Variants in RTN3 observed in about 807,000 individuals in gnomAD.
RTN3 encodes reticulon 3.
In RTN3, 49 loss-of-function variants were observed where a neutral mutation model predicts 77.8. The observed-to-expected ratio is 0.63, with a 90% CI of 0.50 to 0.80. The LOEUF (loss-of-function observed/expected upper bound fraction) is 0.80. RTN3 is among the 30% of genes least tolerant of loss of function. RTN3 has a pLI of 0.00. For missense variants in RTN3, 1,236 were observed against 1,211.9 expected, an observed-to-expected ratio of 1.02 and a Z score of -0.29; for synonymous variants, 464 against 446.9, an observed-to-expected ratio of 1.04 and a Z score of -0.48.
intron 1 of RTN3, among the ~76,000 whole-genome samples, chr11:63,687,388 G>A (rs572182537): frequency 8.5e-5 from 13 of 152,270 alleles, no homozygotes; most frequent in South Asian, 2.1e-4. Context: ...AGGCCAAGGC[G>A]GGTGGATCAT....
rs758892104 is a variant in RTN3 at position 63,719,406 on chromosome 11, G to T, written c.904G>T (p.Ala302Ser). The change falls in exon 3 of 9, where the codon GCA becomes TCA. Residue 302 changes from alanine (A) to serine (S), a missense_variant. By Grantham distance (99) the Ala-to-Ser change is moderately conservative. Transcript: ENST00000377819. ...DKLFPLRNKE[A>S]GRYPMSALLS... ...GCTTTTTCCACTGAGAAATAAAGAG[G>T]CAGGACGTTACCCAATGTCTGCATT... The T allele has an allele frequency of 3.7e-6, 6 of 1,614,130 alleles. No individual in the cohort carries two copies. The highest frequency in any genetic ancestry group is 5.1e-6 in the Non-Finnish European group (6 of 1,180,038).
chr11:63,735,601 T>TCTCTCTCTCTCC (rs1590864655), intron 3 of RTN3, among the ~76,000 whole-genome samples: 1 of 146,396 alleles, frequency 6.8e-6, no homozygotes, highest in Non-Finnish European at 1.5e-5. Flanking sequence ...TCTCTCTCTC[T>TCTCTCTCTCTCC]TTCTTTCAAC....
At chr11:63,717,338 T>G (rs2011473334) in intron 2 of RTN3, among the ~76,000 whole-genome samples, 1 of 151,784 alleles carries the variant, frequency 6.6e-6, no homozygotes, top group African/African-American at 2.4e-5. Flanking sequence ...GAGAAGGATA[T>G]TTTCTATTTT....
At position 63,758,256 on chromosome 11, in the gene RTN3, C is replaced by G; in HGVS notation, c.*55C>G. The G allele has an allele frequency of 6.2e-7, 1 of 1,613,400 alleles. No homozygotes were observed. Among genetic ancestry groups the G allele is most frequent in the Non-Finnish European group, 8.5e-7 (1 of 1,179,630 alleles). ...CTAAAACACCATTTAATAGTTATAA[C>G]GTCGTTACTTGTACTATGAAGGAAA... On this transcript the variant is annotated 3_prime_UTR_variant, in exon 9 of 9. Transcript: ENST00000377819.
chr11:63,703,340 T>G (rs1942339349), intron 1 of RTN3, among the ~76,000 whole-genome samples: 3 of 152,104 alleles, frequency 2.0e-5, no homozygotes, highest in African/African-American at 7.2e-5. Context: ...AAGGTATAGC[T>G]GTACCTCATT....
Position 63,718,853 on chromosome 11 carries a change from A to G in RTN3, c.351A>G (p.Glu117=), listed in dbSNP as rs747111001. The G allele has an allele frequency of 1.5e-5, 25 of 1,614,198 alleles. No homozygotes were observed. The East Asian group carries it at 5.1e-4, about 33-fold the overall frequency. The change falls in exon 3 of 9, where the codon GAA becomes GAG. Residue 117 remains glutamate (E), a synonymous_variant. Transcript: ENST00000377819. The part of the protein sequence containing the change: ...VLGSQPILAK[E]GKDHLDLLDM... Reference sequence around the variant, plus strand: ...GGAGCCAGCCTATTTTAGCCAAAGAAGGAAAAGACCACTTGGATCTTCTAG... The same window carrying G: ...GGAGCCAGCCTATTTTAGCCAAAGAGGGAAAAGACCACTTGGATCTTCTAG...
At position 63,750,163 on chromosome 11, in the gene RTN3, A is replaced by G. The variant is rs1250824566; in HGVS notation, c.2703A>G (p.Gln901=). 5 of 1,612,628 alleles carry G rather than the reference A, an allele frequency of 3.1e-6. No homozygotes were observed. The highest frequency in any genetic ancestry group is 4.2e-6 in the Non-Finnish European group (5 of 1,179,340). ...ISFRIYKSVI[Q]AVQKSEEGHP... is the part of the protein sequence containing the mutation. ...TCAGGATCTACAAGTCCGTCATCCA[A>G]GCTGTACAGAAGTCAGAAGAAGGCC... Residue 901 remains glutamine (Q), a synonymous_variant, in exon 4 of 9, where the codon CAA becomes CAG. Coordinates refer to ENST00000377819, the MANE Select transcript of RTN3 (RefSeq NM_001265589.2).
chr11:63,688,053 A>C (rs1425418735), intron 1 of RTN3, among the ~76,000 whole-genome samples: 1 of 152,182 alleles, frequency 6.6e-6, no homozygotes, highest in African/African-American at 2.4e-5. Context: ...AATATGCTTA[A>C]ATACTTATGC....
Position 63,745,757 on chromosome 11 carries a change from GT to G in RTN3, c.2531-4230del, listed in dbSNP as rs1590880945. On this transcript the variant is annotated intron_variant, in intron 3 of 8. Transcript: ENST00000377819. The stretch of plus-strand genomic sequence containing the variant: ...GTTTGAATATTTCTATTTCTTATGA[GT>G]TTTCCAGCAGATGGCAGTAACACGC... 4.6e-5 allele frequency among the ~76,000 whole-genome samples: 7 copies of G among 152,280 alleles called. No homozygotes were observed. In the South Asian group the frequency reaches 1.5e-3, roughly 32 times the overall value.
intron 1 of RTN3, among the ~76,000 whole-genome samples, chr11:63,693,484 CA>C (rs879451698): frequency 2.4e-4 from 35 of 144,094 alleles, no homozygotes; most frequent in South Asian, 4.4e-4. Context: ...AACTCCATCT[CA>C]AAAAAAAAAA....
chr11:63,738,447 G>A (rs550986527), intron 3 of RTN3, among the ~76,000 whole-genome samples: 39 of 152,100 alleles, frequency 2.6e-4, no homozygotes, highest in African/African-American at 8.7e-4. Flanking sequence ...TAAGACCAGC[G>A]TGGGCATCAA....
chr11:63,692,522 G>A (rs1403341982), intron 1 of RTN3, among the ~76,000 whole-genome samples: 5 of 151,954 alleles, frequency 3.3e-5, no homozygotes, highest in African/African-American at 1.2e-4. Flanking sequence ...ACTTTGGGAG[G>A]CTGAGGCAGA....
chr11:63,720,200 A>G lies in RTN3; in HGVS notation c.1698A>G (p.Gln566=), dbSNP rs1169822574. 2 of 1,614,194 alleles carry G rather than the reference A, an allele frequency of 1.2e-6. No homozygotes were observed. The highest frequency in any genetic ancestry group is 1.7e-5 in the Admixed American group (1 of 60,020). ...EELVSDSELH[Q]DQPDILGRSP... The stretch of plus-strand genomic sequence containing the variant: ...TGGTCAGTGACTCTGAGCTGCATCA[A>G]GATCAGCCTGATATTCTTGGAAGGA... The change falls in exon 3 of 9, where the codon CAA becomes CAG. Residue 566 remains glutamine, a synonymous_variant. Coordinates refer to ENST00000377819, the MANE Select transcript of RTN3 (RefSeq NM_001265589.2).
chr11:63,734,565 C>G lies in RTN3; in HGVS notation c.2530+13533C>G, dbSNP rs2012933589. Among the ~76,000 whole-genome samples, 2 of 151,862 alleles carry G rather than the reference C, an allele frequency of 1.3e-5. 1 individual carries two copies. Among genetic ancestry groups the G allele is most frequent in the South Asian group, 4.2e-4 (2 of 4,812 alleles). On this transcript the variant is annotated intron_variant, in intron 3 of 8. Coordinates refer to ENST00000377819, the MANE Select transcript of RTN3 (RefSeq NM_001265589.2). ...CAGCCTGGCCAACATGGTGAAACCT[C>G]TACTAAAAATAGAAAAATTAGCCAG...
chr11:63,681,742 G>A lies in RTN3; in HGVS notation c.106G>A (p.Ala36Thr), dbSNP rs1590759561. ...CGGCGGGAGCCCAGGAGCCTGCCCC[G>A]CCCTGGGGACGAAGAGCTGCAGCTC... ...GGGGSPGACP[A>T]LGTKSCSSSC... The change falls in exon 1 of 9, where the codon GCC (alanine) becomes ACC (threonine). Residue 36 changes from alanine (A) to threonine (T), a missense_variant. Physicochemically the swap from Ala to Thr is moderately conservative, Grantham distance 58. Coordinates refer to ENST00000377819, the MANE Select transcript of RTN3 (RefSeq NM_001265589.2). The A allele has an allele frequency of 6.2e-7, 1 of 1,605,994 alleles. No homozygotes were observed.
chr11:63,697,456 A>G (rs1330349279), intron 1 of RTN3, among the ~76,000 whole-genome samples: 1 of 139,496 alleles, frequency 7.2e-6, no homozygotes, highest in Non-Finnish European at 1.6e-5. Context: ...GATATGTGCC[A>G]CCACACCCAG....
intron 1 of RTN3, among the ~76,000 whole-genome samples, chr11:63,690,287 A>G (rs1188580392): frequency 6.6e-6 from 1 of 152,146 alleles, no homozygotes; most frequent in Non-Finnish European, 1.5e-5. Context: ...TATTTTACGT[A>G]TGAGATAGAA....
At position 63,681,529 on chromosome 11, in the gene RTN3, C is replaced by T. The variant is rs1463118469; in HGVS notation, c.-108C>T. ...TGTCGGAGTCTGTCCTCGGAGCAGGCGGAGTAAAGGGACTTGAGCGAGCCA... is the reference window on the plus strand; with the variant it reads ...TGTCGGAGTCTGTCCTCGGAGCAGGTGGAGTAAAGGGACTTGAGCGAGCCA... On this transcript the variant is annotated 5_prime_UTR_variant, in exon 1 of 9. Transcript: ENST00000377819. 15 of 1,165,850 alleles carry T rather than the reference C, an allele frequency of 1.3e-5. No individual in the cohort carries two copies. The East Asian group carries it at 1.6e-4, about 13-fold the overall frequency. The allele number at this position is 1,165,850 out of a possible 1,614,324, so 72.2% of individuals were successfully genotyped here.
At chr11:63,743,517 T>C (rs962734170) in intron 3 of RTN3, among the ~76,000 whole-genome samples, 1 of 152,236 alleles carries the variant, frequency 6.6e-6, no homozygotes. Flanking sequence ...TTATTGAATG[T>C]TAAGCCAATC....
Sources: allele counts gnomAD v4.1 joint callset (sites outside exome capture counted in the v4.1 genomes callset), GRCh38; gene constraint gnomAD v4.1.1; transcripts MANE v1.5; gene names NCBI Gene and HGNC (gene_info 2026-07-23, HGNC 2026-07-21).